The following SLC6A5 variants were observed in gnomAD, a reference collection of about 807,000 sequenced individuals.
SLC6A5 encodes the protein sodium- and chloride-dependent glycine transporter 2.
In SLC6A5, 58 loss-of-function variants were observed where a neutral mutation model predicts 90.5. The observed-to-expected ratio is 0.64, with a 90% CI of 0.52 to 0.80. The LOEUF (loss-of-function observed/expected upper bound fraction) is 0.80. SLC6A5 is among the 30% of genes least tolerant of loss of function. SLC6A5 has a pLI of 0.00. For missense variants in SLC6A5, 1,015 were observed against 1,017.6 expected (o/e 1.00, Z 0.03); for synonymous variants, 427 against 401.4 (o/e 1.06, Z -0.76).
intron 7 of SLC6A5, among the ~76,000 whole-genome samples, chr11:20,622,690 A>C (rs2133793536): frequency 6.6e-6 from 1 of 152,332 alleles, no homozygotes; most frequent in African/African-American, 2.4e-5. Context: ...ACAGCCTCCA[A>C]CAGTGAAATG....
Position 20,599,629 on chromosome 11 carries a change from C to T in SLC6A5, c.-44C>T, listed in dbSNP as rs1852419475. On this transcript the variant is annotated 5_prime_UTR_variant, in exon 1 of 16. Transcript: ENST00000525748. ...GAGCCAAACCCAGTCTTGTCAATAG[C>T]GGGTTTCACCCTCCACCAGTTCAGT... is the stretch of plus-strand genomic sequence containing the variant. 1.9e-6 allele frequency: 3 copies of T among 1,613,370 alleles called. No individual in the cohort carries two copies. Among genetic ancestry groups the T allele is most frequent in the African/African-American group, 1.3e-5 (1 of 74,924 alleles).
In SLC6A5 at chr11:20,649,373, G is replaced by A. The variant is rs542377297; in HGVS notation, c.2070+2439G>A. Among the ~76,000 whole-genome samples, 7 of 152,270 alleles carry A rather than the reference G, an allele frequency of 4.6e-5. No homozygotes were observed. The South Asian group carries it at 6.2e-4, about 14-fold the overall frequency. ...CTTCTTTGGCTGCCATCACAAAAAGGTCAGGGTGTACCTGACTCAGTGGCT... is the reference window on the plus strand; with the variant it reads ...CTTCTTTGGCTGCCATCACAAAAAGATCAGGGTGTACCTGACTCAGTGGCT... On this transcript the variant is annotated intron_variant, in intron 14 of 15. Coordinates refer to ENST00000525748, the MANE Select transcript of SLC6A5 (RefSeq NM_004211.5).
rs72927523 is a variant in SLC6A5, at chr11:20,607,230, G to C, written c.811+92G>C. On this transcript the variant is annotated intron_variant, in intron 4 of 15. Coordinates refer to ENST00000525748, the MANE Select transcript of SLC6A5 (RefSeq NM_004211.5). ...GCCCCAGGGAGGGAGACCTGCCTTT[G>C]TGGTTAATAGAACTAACTCTTTCCT... 2.4e-5 allele frequency: 35 copies of C among 1,484,820 alleles called. No homozygotes were observed. In the Admixed American group the frequency reaches 6.8e-4, roughly 29 times the overall value. The allele number at this position is 1,484,820 out of a possible 1,614,324, so 92.0% of individuals were successfully genotyped here.
chr11:20,658,081 G>C lies in SLC6A5; in HGVS notation c.*3213G>C, dbSNP rs1451788387. 6.6e-6 allele frequency: 1 copy of C among 152,164 alleles called. No homozygotes were observed. Among genetic ancestry groups the C allele is most frequent in the Non-Finnish European group, 1.5e-5 (1 of 68,028 alleles). 9.4% of individuals were successfully genotyped at this position (152,164 alleles called of 1,614,324 possible). On this transcript the variant is annotated 3_prime_UTR_variant, in exon 16 of 16. Coordinates refer to ENST00000525748, the MANE Select transcript of SLC6A5 (RefSeq NM_004211.5). ...CAGCACTTTAAAAAGAGTTTAACAT[G>C]ATGACCTTTAAATGGATAGGACTTG...
In SLC6A5 at chr11:20,639,173, A is replaced by G. The variant is rs141013199; in HGVS notation, c.1969+615A>G. On this transcript the variant is annotated intron_variant, in intron 13 of 15. Transcript: ENST00000525748. ...CAGAAATGGTGAGCTATCAGATGCC[A>G]TCTTTTCCCTTTGTGTGGAGGTGTT... is the stretch of plus-strand genomic sequence containing the variant. 1.6e-4 allele frequency among the ~76,000 whole-genome samples: 24 copies of G among 152,300 alleles called. No individual in the cohort carries two copies. The East Asian group carries it at 4.1e-3, about 26-fold the overall frequency.
chr11:20,645,035 A>G (rs7112587), intron 13 of SLC6A5, among the ~76,000 whole-genome samples: 125,413 of 151,572 alleles, frequency 0.83, 54,489 homozygotes, highest in Non-Finnish European at 0.97. Context: ...CTGATCTCGA[A>G]CTCCTGGCCT....
At chr11:20,653,825 C>G (rs891761193) in intron 15 of SLC6A5, among the ~76,000 whole-genome samples, 6 of 152,182 alleles carry the variant, frequency 3.9e-5, no homozygotes, top group Non-Finnish European at 7.3e-5. Flanking sequence ...CCTGGTTTAG[C>G]CTCTGCTACT....
chr11:20,620,274 C>A (rs1208939545), intron 7 of SLC6A5, among the ~76,000 whole-genome samples: 3 of 152,134 alleles, frequency 2.0e-5, no homozygotes, highest in Non-Finnish European at 2.9e-5. Flanking sequence ...GGAAGGATGG[C>A]CTGTGGCTCC....
In SLC6A5 at chr11:20,601,793, G is replaced by C. The variant is rs1021160683; in HGVS notation, c.540+128G>C. 4.6e-5 allele frequency: 47 copies of C among 1,027,372 alleles called. 1 individual carries two copies. Among genetic ancestry groups the C allele is most frequent in the Middle Eastern group, 3.0e-4 (1 of 3,386 alleles). The allele number at this position is 1,027,372 out of a possible 1,614,324, so 63.6% of individuals were successfully genotyped here. Reference sequence around the variant, plus strand: ...GTTGGCAGTGCCAGGTGATGGATGCGGGAGGCGGCTTTGGGGCTTCGGAAG... The same window carrying C: ...GTTGGCAGTGCCAGGTGATGGATGCCGGAGGCGGCTTTGGGGCTTCGGAAG... On this transcript the variant is annotated intron_variant, in intron 2 of 15. Transcript: ENST00000525748.
chr11:20,604,446 C>T (rs768449083), intron 3 of SLC6A5, 22 bp downstream of exon 3: 3 of 1,611,288 alleles, frequency 1.9e-6, no homozygotes, highest in African/African-American at 1.3e-5. Context: ...CCGCTCTTTC[C>T]GCCTGCGGCG....
At chr11:20,628,939 C>G (rs1853054745) in intron 9 of SLC6A5, among the ~76,000 whole-genome samples, 1 of 152,208 alleles carries the variant, frequency 6.6e-6, no homozygotes, top group Non-Finnish European at 1.5e-5. Context: ...TGCACACTTG[C>G]TCTGTGCTAG....
At chr11:20,599,775 G>A in intron 1 of SLC6A5, 100 bp downstream of exon 1, 1 of 1,410,162 alleles carries the variant, frequency 7.1e-7, no homozygotes, top group Non-Finnish European at 1.0e-6. Flanking sequence ...CTGTGCATTG[G>A]GTGGGGGGAA....
chr11:20,647,726 G>A (rs938980915), intron 14 of SLC6A5, among the ~76,000 whole-genome samples: 15 of 152,120 alleles, frequency 9.9e-5, no homozygotes, highest in Non-Finnish European at 1.9e-4. Flanking sequence ...CAGAGTTGAT[G>A]TGACTTGCCT....
At chr11:20,649,678 C>A (rs78412196) in intron 14 of SLC6A5, among the ~76,000 whole-genome samples, 3 of 152,090 alleles carry the variant, frequency 2.0e-5, no homozygotes, top group Non-Finnish European at 4.4e-5. Flanking sequence ...TTATATATGC[C>A]TTCATGGATT....
At chr11:20,623,044 G>A (rs1308419294) in intron 7 of SLC6A5, among the ~76,000 whole-genome samples, 14 of 152,208 alleles carry the variant, frequency 9.2e-5, no homozygotes, top group Non-Finnish European at 1.8e-4. Context: ...GGGGATGGAA[G>A]GAGAGAAGCA....
rs1312548126 is a variant in SLC6A5, at chr11:20,656,825, G to A, written c.*1957G>A. ...GAGCTTCCCCTAAACTTAGCTTTAGGAAGCTGAGCTGTGGCCTCACCTGTC... is the reference window on the plus strand; with the variant it reads ...GAGCTTCCCCTAAACTTAGCTTTAGAAAGCTGAGCTGTGGCCTCACCTGTC... On this transcript the variant is annotated 3_prime_UTR_variant, in exon 16 of 16. Coordinates refer to ENST00000525748, the MANE Select transcript of SLC6A5 (RefSeq NM_004211.5). The A allele has an allele frequency of 3.3e-5, 5 of 152,062 alleles. No homozygotes were observed. The highest frequency in any genetic ancestry group is 1.2e-4 in the African/African-American group (5 of 41,384). The allele number at this position is 152,062 out of a possible 1,614,324, so 9.4% of individuals were successfully genotyped here.
At chr11:20,606,116 C>A (rs1430208658) in intron 3 of SLC6A5, among the ~76,000 whole-genome samples, 1 of 152,204 alleles carries the variant, frequency 6.6e-6, no homozygotes, top group Non-Finnish European at 1.5e-5. Flanking sequence ...AAAACCTTTT[C>A]AAAAATCATG....
chr11:20,650,644 T>G (rs1429400843), intron 14 of SLC6A5, among the ~76,000 whole-genome samples: 1 of 146,222 alleles, frequency 6.8e-6, no homozygotes, highest in African/African-American at 2.5e-5. Context: ...CACTTGGTGA[T>G]GACGCCTGTT....
chr11:20,654,791 A>C lies in SLC6A5; in HGVS notation c.2317A>C (p.Met773Leu). The C allele has an allele frequency of 6.2e-7, 1 of 1,614,146 alleles. No individual in the cohort carries two copies. The highest frequency in any genetic ancestry group is 1.1e-5 in the South Asian group (1 of 91,076). The change falls in exon 16 of 16, where the codon ATG becomes CTG. Residue 773 changes from methionine (M) to leucine (L), a missense_variant. Physicochemically the swap from Met to Leu is conservative, Grantham distance 15. Transcript: ENST00000525748. Reference protein sequence around the residue: ...AQHRGERYKNMIDPLGTSSLG... With the variant: ...AQHRGERYKNLIDPLGTSSLG... ...ACACCGCGGGGAGCGTTACAAGAAC[A>C]TGATCGACCCCTTGGGAACCTCTTC...
Sources: gnomAD v4.1 joint callset for allele counts (sites outside exome capture counted in the v4.1 genomes callset) on GRCh38, gnomAD v4.1.1 for gene constraint, MANE v1.5 for transcripts, NCBI Gene and HGNC (gene_info 2026-07-23, HGNC 2026-07-21) for gene names.